VPS13B: variants seen among roughly 807,000 people sequenced by gnomAD.
The protein encoded by VPS13B is intermembrane lipid transfer protein VPS13B.
Under a neutral mutation model 426.4 loss-of-function variants are expected in VPS13B, and 285 were observed. The observed-to-expected ratio is 0.67, with a 90% CI of 0.61 to 0.74. VPS13B has a LOEUF of 0.74. Among genes scored for constraint, VPS13B ranks in the 30% least tolerant of loss-of-function variants. The pLI is 0.00. For synonymous variants in VPS13B, 1,676 were observed against 1,676.4 expected (o/e 1.00, Z 0.01); for missense variants, 4,537 against 4,782.6 (o/e 0.95, Z 1.51).
chr8:99,393,013 T>A (rs569352200), intron 21 of VPS13B, among the ~76,000 whole-genome samples: 1 of 152,110 alleles, frequency 6.6e-6, no homozygotes, highest in Non-Finnish European at 1.5e-5. Flanking sequence ...ATAATTGAGC[T>A]GTTAATTTAC....
intron 3 of VPS13B, among the ~76,000 whole-genome samples, chr8:99,062,404 CT>C (rs940241505): frequency 1.3e-5 from 2 of 152,134 alleles, no homozygotes; most frequent in Non-Finnish European, 2.9e-5. Context: ...TTATTCTTTT[CT>C]TTTATTCAAA....
chr8:99,686,166 A>G (rs1035327723), intron 35 of VPS13B, among the ~76,000 whole-genome samples: 2 of 152,204 alleles, frequency 1.3e-5, no homozygotes, highest in African/African-American at 2.4e-5. Context: ...TCTTTGGATT[A>G]CCAGGCAGAG....
At chr8:99,566,465 G>T (rs1244736283) in intron 31 of VPS13B, among the ~76,000 whole-genome samples, 4 of 150,060 alleles carry the variant, frequency 2.7e-5, no homozygotes, top group Non-Finnish European at 4.4e-5. Context: ...TTTTGAGATG[G>T]AGTCTCACTC....
At chr8:99,806,308 ACTT>A (rs1368139768) in intron 43 of VPS13B, among the ~76,000 whole-genome samples, 1 of 152,126 alleles carries the variant, frequency 6.6e-6, no homozygotes, top group Non-Finnish European at 1.5e-5. Flanking sequence ...CATGTGTACT[ACTT>A]TGCACATCTC....
chr8:99,872,607 A>G (rs1817483633), intron 61 of VPS13B, among the ~76,000 whole-genome samples: 1 of 152,206 alleles, frequency 6.6e-6, no homozygotes, highest in South Asian at 2.1e-4. Flanking sequence ...TCCTTCCTGG[A>G]TGATGGCCTG....
At chr8:99,151,313 C>T (rs901938263) in intron 14 of VPS13B, among the ~76,000 whole-genome samples, 1 of 152,072 alleles carries the variant, frequency 6.6e-6, no homozygotes, top group African/African-American at 2.4e-5. Flanking sequence ...ATATTTTCCC[C>T]CAATCTGTGG....
intron 19 of VPS13B, among the ~76,000 whole-genome samples, chr8:99,334,310 A>G (rs1345057668): frequency 2.0e-5 from 3 of 151,942 alleles, no homozygotes; most frequent in African/African-American, 7.2e-5. Flanking sequence ...TGTGCTTCTC[A>G]GTAACTAATA....
chr8:99,765,842 G>A (rs1008516450), intron 39 of VPS13B, among the ~76,000 whole-genome samples: 9 of 152,000 alleles, frequency 5.9e-5, no homozygotes, highest in African/African-American at 2.2e-4. Flanking sequence ...TGGGTTTCAT[G>A]CCATACATAC....
chr8:99,242,301 T>G (rs1816973917), intron 17 of VPS13B, among the ~76,000 whole-genome samples: 1 of 152,208 alleles, frequency 6.6e-6, no homozygotes, highest in South Asian at 2.1e-4. Flanking sequence ...AATTGGTTTC[T>G]AATATTAATG....
chr8:99,835,144 G>A, intron 52 of VPS13B, 53 bp from the exon 53 acceptor site: 1 of 1,611,260 alleles, frequency 6.2e-7, no homozygotes, highest in Non-Finnish European at 8.5e-7. Context: ...AGAGGAGAGA[G>A]CATTCATTTT....
chr8:99,633,633 C>T (rs1193113718), intron 33 of VPS13B, among the ~76,000 whole-genome samples: 1 of 151,938 alleles, frequency 6.6e-6, no homozygotes, highest in Non-Finnish European at 1.5e-5. Context: ...AAATGGTTTC[C>T]ACATTGACAT....
chr8:99,085,061 T>A (rs1190163120), intron 3 of VPS13B, among the ~76,000 whole-genome samples: 1 of 152,156 alleles, frequency 6.6e-6, no homozygotes, highest in Non-Finnish European at 1.5e-5. Context: ...GGTGTTAACA[T>A]CTCCCATTAT....
Position 99,809,356 on chromosome 8 carries a change from T to C in VPS13B, c.7942-19T>C, listed in dbSNP as rs200318613. On this transcript the variant is annotated intron_variant, in intron 43 of 61. Transcript: ENST00000357162. ...GTTGGCACGTTTGGCATTATGACGA[T>C]TATTGTTTTTTTCTCCAGCTGTTAC... The C allele has an allele frequency of 6.2e-7, 1 of 1,613,782 alleles. No individual in the cohort carries two copies. The highest frequency in any genetic ancestry group is 8.5e-7 in the Non-Finnish European group (1 of 1,179,912).
Position 99,533,732 on chromosome 8 carries a change from A to T in VPS13B, c.4745+12722A>T, listed in dbSNP as rs140453262. Among the ~76,000 whole-genome samples the T allele has an allele frequency of 3.3e-5, 5 of 152,308 alleles. No individual in the cohort carries two copies. The East Asian group carries it at 9.6e-4, about 29-fold the overall frequency. Reference sequence around the variant, plus strand: ...AGGAAAACCATTCTTTTTTATGGACATGTTTATAATAGCCTTTCTTTATTC... The same window carrying T: ...AGGAAAACCATTCTTTTTTATGGACTTGTTTATAATAGCCTTTCTTTATTC... On this transcript the variant is annotated intron_variant, in intron 30 of 61. Coordinates refer to ENST00000357162, the MANE Select transcript of VPS13B (RefSeq NM_152564.5).
At chr8:99,630,877 T>C (rs779802145) in intron 33 of VPS13B, among the ~76,000 whole-genome samples, 35 of 151,884 alleles carry the variant, frequency 2.3e-4, no homozygotes, top group Non-Finnish European at 4.0e-4. Flanking sequence ...AAAGGGTCAG[T>C]GAGAAAGTAA....
At chr8:99,022,325 G>A (rs1275035401) in intron 2 of VPS13B, among the ~76,000 whole-genome samples, 1 of 151,282 alleles carries the variant, frequency 6.6e-6, no homozygotes, top group Non-Finnish European at 1.5e-5. Context: ...TTTTCATTAA[G>A]TTAAAAAAAT....
chr8:99,242,097 C>G (rs568395125), intron 17 of VPS13B, among the ~76,000 whole-genome samples: 57 of 152,254 alleles, frequency 3.7e-4, no homozygotes, highest in African/African-American at 1.3e-3. Flanking sequence ...TCGCCTGCCT[C>G]AGCCTCCCAA....
intron 23 of VPS13B, among the ~76,000 whole-genome samples, chr8:99,465,443 T>C (rs1208079364): frequency 1.3e-5 from 2 of 151,342 alleles, no homozygotes; most frequent in African/African-American, 4.9e-5. Context: ...TATGATATGC[T>C]CAATTTCAAT....
Position 99,159,988 on chromosome 8 carries a change from G to GT in VPS13B, c.2208+3256dup, listed in dbSNP as rs895934577. The stretch of plus-strand genomic sequence containing the variant: ...AGTGCTTTTTATTTAAGGTATATAA[G>GT]TTTTTTTTTTTGACATAATGTTATT... On this transcript the variant is annotated intron_variant, in intron 15 of 61. Transcript: ENST00000357162. 5.1e-3 allele frequency among the ~76,000 whole-genome samples: 752 copies of GT among 146,982 alleles called. 3 individuals are homozygous for GT. The highest frequency in any genetic ancestry group is 9.3e-3 in the Admixed American group (136 of 14,670).
Sources: gnomAD v4.1 joint callset for allele counts (sites outside exome capture counted in the v4.1 genomes callset) on GRCh38, gnomAD v4.1.1 for gene constraint, MANE v1.5 for transcripts, NCBI Gene and HGNC (gene_info 2026-07-23, HGNC 2026-07-21) for gene names.